The following PTPRS variants were observed in gnomAD, a reference collection of about 807,000 sequenced individuals.
PTPRS encodes protein tyrosine phosphatase receptor type S.
PTPRS carries 63 observed loss-of-function variants against 215.3 expected under a neutral mutation model. The observed-to-expected ratio is 0.29, with a 90% CI of 0.24 to 0.36. The LOEUF is 0.36. Ranked by LOEUF, PTPRS falls within the 10% of genes least tolerant of loss-of-function variation. PTPRS has a pLI of 1.00. For missense variants in PTPRS, 2,258 were observed against 2,825.8 expected, an observed-to-expected ratio of 0.80 and a Z score of 4.56; for synonymous variants, 1,404 against 1,191.4, an observed-to-expected ratio of 1.18 and a Z score of -3.68.
chr19:5,311,577 G>A (rs1054751437), intron 1 of PTPRS, among the ~76,000 whole-genome samples: 2 of 152,182 alleles, frequency 1.3e-5, no homozygotes, highest in African/African-American at 4.8e-5. Flanking sequence ...CTGGGTGGAG[G>A]CTGGGGGTGG....
intron 22 of PTPRS, 68 bp from the exon 23 acceptor site, chr19:5,219,535 C>G: frequency 6.7e-7 from 1 of 1,483,420 alleles, no homozygotes. Context: ...GGGTCTTTCT[C>G]AAACATGAAC....
At chr19:5,222,580 G>A in intron 18 of PTPRS, 109 bp downstream of exon 18, 3 of 1,267,344 alleles carry the variant, frequency 2.4e-6, no homozygotes, top group South Asian at 1.6e-5. Flanking sequence ...GTGACCACGA[G>A]GAAGCAGAAA....
At chr19:5,279,933 T>A (rs537557578) in intron 2 of PTPRS, among the ~76,000 whole-genome samples, 1 of 152,186 alleles carries the variant, frequency 6.6e-6, no homozygotes, top group African/African-American at 2.4e-5. Flanking sequence ...TCCACCCACC[T>A]TGGCCTCCCA....
chr19:5,206,848 G>A lies in PTPRS; in HGVS notation c.5779-6C>T. On this transcript the variant is annotated splice_region_variant and splice_polypyrimidine_tract_variant and intron_variant, in intron 37 of 37. Transcript: ENST00000262963. ...TAACAGAACTGGTACTCATCCTGGG[G>A]GAGCAGAGGTGACCTGTTAGTACCT... 1 of 1,613,966 alleles carries A rather than the reference G, an allele frequency of 6.2e-7. No individual in the cohort carries two copies. The highest frequency in any genetic ancestry group is 8.5e-7 in the Non-Finnish European group (1 of 1,179,890).
At chr19:5,284,673 TG>T (rs1193731072) in intron 2 of PTPRS, among the ~76,000 whole-genome samples, 4 of 152,006 alleles carry the variant, frequency 2.6e-5, no homozygotes, top group Admixed American at 6.6e-5. Context: ...CTGGATGCCG[TG>T]GCTGGCTCAC....
intron 2 of PTPRS, among the ~76,000 whole-genome samples, chr19:5,280,035 A>T (rs2146743876): frequency 6.6e-6 from 1 of 152,374 alleles, no homozygotes; most frequent in East Asian, 1.9e-4. Context: ...AGCTGATTAA[A>T]GAAAAAATGG....
intron 1 of PTPRS, among the ~76,000 whole-genome samples, chr19:5,305,939 C>CAAAAAA (rs35165317): frequency 0.035 from 786 of 22,648 alleles, 246 homozygotes; most frequent in African/African-American, 0.097. Context: ...GACTCCGTCT[C>CAAAAAA]AAAAAAAAAA....
chr19:5,279,359 A>T (rs1308198039), intron 2 of PTPRS, among the ~76,000 whole-genome samples: 4 of 133,776 alleles, frequency 3.0e-5, no homozygotes, highest in African/African-American at 1.0e-4. Context: ...TTTTTATTTT[A>T]TTTTTTCTTC....
intron 13 of PTPRS, among the ~76,000 whole-genome samples, chr19:5,235,095 C>A (rs1409444715): frequency 6.6e-6 from 1 of 152,092 alleles, no homozygotes; most frequent in African/African-American, 2.4e-5. Flanking sequence ...CGCCCGCCAC[C>A]ACGCTCGGCT....
At position 5,240,286 on chromosome 19, in the gene PTPRS, G is replaced by A. The variant is rs745548230; in HGVS notation, c.1617C>T (p.Thr539=). 1 of 1,601,626 alleles carries A rather than the reference G, an allele frequency of 6.2e-7. No homozygotes were observed. Among genetic ancestry groups the A allele is most frequent in the Non-Finnish European group, 8.5e-7 (1 of 1,175,472 alleles). Residue 539 remains threonine (T), a synonymous_variant, in exon 12 of 38, where the codon ACC becomes ACT. Coordinates refer to ENST00000262963, the MANE Select transcript of PTPRS (RefSeq NM_002850.4). ...MNLRAEARSE[T]SITLSWSPPR... ...GGGGGCTCCAGGACAGCGTGATGCT[G>A]GTCTCCGACCTGGCCTCGGCCCGCA...
chr19:5,260,279 A>C (rs1356943722), intron 7 of PTPRS, among the ~76,000 whole-genome samples: 1 of 150,058 alleles, frequency 6.7e-6, no homozygotes, highest in East Asian at 2.0e-4. Context: ...TCCCAGGTTC[A>C]AGTGATTCTC....
chr19:5,323,042 G>A (rs1158332966), intron 1 of PTPRS, among the ~76,000 whole-genome samples: 2 of 152,152 alleles, frequency 1.3e-5, no homozygotes, highest in Non-Finnish European at 2.9e-5. Context: ...GGTAGAGGAG[G>A]AGAGAAGCAG....
rs55762769 is a variant in PTPRS at position 5,227,413 on chromosome 19, A to AT, written c.2377-1570dup. Among the ~76,000 whole-genome samples, 294 of 135,026 alleles carry AT rather than the reference A, an allele frequency of 2.2e-3. 3 individuals carry two copies. The Middle Eastern group carries it at 0.032, about 15-fold the overall frequency. The allele number at this position is 135,026 out of a possible 152,430, so 88.6% of individuals were successfully genotyped here. On this transcript the variant is annotated intron_variant, in intron 16 of 37. Transcript: ENST00000262963. The stretch of plus-strand genomic sequence containing the variant: ...CCCCATCCCCACCACAGCTGTAACA[A>AT]TTTTTTTTTTTTTTTTTGGACATAG...
At chr19:5,306,780 G>C (rs1359641694) in intron 1 of PTPRS, among the ~76,000 whole-genome samples, 2 of 152,150 alleles carry the variant, frequency 1.3e-5, no homozygotes, top group Non-Finnish European at 2.9e-5. Flanking sequence ...AAACAAGCAG[G>C]TTCCCCTCCT....
intron 11 of PTPRS, among the ~76,000 whole-genome samples, chr19:5,242,310 T>C (rs551409363): frequency 1.1e-4 from 16 of 152,342 alleles, no homozygotes; most frequent in Non-Finnish European, 2.1e-4. Flanking sequence ...GGGTGTTTGA[T>C]CTTAGCCCTA....
chr19:5,231,363 T>C lies in PTPRS; in HGVS notation c.2102A>G (p.Glu701Gly), dbSNP rs753552451. The stretch of plus-strand genomic sequence containing the variant: ...CGAGCTCTCGGGCCCTGGTCCCACC[T>C]CTGTGTGAGCGACAGTCGTGATGCG... ...QYRITTVAHT[E>G]VGPGPESSPV... The change falls in exon 14 of 38, where the codon GAG becomes GGG. Residue 701 changes from glutamate to glycine, a missense_variant. Around this residue, in one of 6 missense-constraint regions of PTPRS, gnomAD observed 371 missense variants for 446.7 expected, o/e 0.83. Coordinates refer to ENST00000262963, the MANE Select transcript of PTPRS (RefSeq NM_002850.4). 2 of 1,612,644 alleles carry C rather than the reference T, an allele frequency of 1.2e-6. No homozygotes were observed. Among genetic ancestry groups the C allele is most frequent in the Non-Finnish European group, 8.5e-7 (1 of 1,179,846 alleles).
chr19:5,280,881 T>C (rs1371066157), intron 2 of PTPRS, among the ~76,000 whole-genome samples: 3 of 151,022 alleles, frequency 2.0e-5, no homozygotes, highest in Admixed American at 2.0e-4. Flanking sequence ...AACCTCCGCC[T>C]CCCAGGTTCA....
Position 5,229,713 on chromosome 19 carries a change from G to A in PTPRS, c.2156-29C>T, listed in dbSNP as rs796253062. 4.3e-5 allele frequency: 53 copies of A among 1,220,402 alleles called. No individual in the cohort carries two copies. In the African/African-American group the frequency reaches 7.1e-4, roughly 16 times the overall value. 75.6% of individuals were successfully genotyped at this position (1,220,402 alleles called of 1,614,324 possible). A position where few individuals can be genotyped will look rare whatever the true frequency, so the allele number is the denominator to read the frequency against. On this transcript the variant is annotated intron_variant, in intron 14 of 37. Transcript: ENST00000262963. Reference sequence around the variant, plus strand: ...GCGGGCGGGAGGGGAGGGGAGGGGCGGGCGGAGCCGTTACCAGGGCGCCCG... The same window carrying A: ...GCGGGCGGGAGGGGAGGGGAGGGGCAGGCGGAGCCGTTACCAGGGCGCCCG...
intron 2 of PTPRS, among the ~76,000 whole-genome samples, chr19:5,280,686 A>C (rs2047770716): frequency 6.6e-6 from 1 of 152,138 alleles, no homozygotes; most frequent in South Asian, 2.1e-4. Flanking sequence ...CTGCCATTGC[A>C]TTCCAGCCTG....
Sources: gnomAD v4.1 joint callset for allele counts (sites outside exome capture counted in the v4.1 genomes callset) on GRCh38, gnomAD v4.1.1 for gene constraint, gnomAD v4.1.1 regional missense constraint, MANE v1.5 for transcripts, NCBI Gene and HGNC (gene_info 2026-07-23, HGNC 2026-07-21) for gene names.